TDRD9: variants seen among roughly 807,000 people sequenced by gnomAD.
TDRD9 encodes the protein ATP-dependent RNA helicase TDRD9.
A neutral mutation model predicts 172.6 loss-of-function variants in TDRD9; 124 were observed. That is an observed-to-expected ratio of 0.72 (90% CI 0.62 to 0.83). TDRD9 has a LOEUF of 0.83. Ranked by LOEUF, TDRD9 falls within the 40% of genes least tolerant of loss-of-function variation. The pLI is 0.00. For synonymous variants in TDRD9, 619 were observed against 617.1 expected, an observed-to-expected ratio of 1.00 and a Z score of -0.05; for missense variants, 1,479 against 1,714.1, an observed-to-expected ratio of 0.86 and a Z score of 2.42.
intron 25 of TDRD9, 68 bp downstream of exon 25, chr14:104,024,748 T>G: frequency 3.1e-6 from 2 of 642,712 alleles, no homozygotes; most frequent in East Asian, 2.9e-5. Context: ...TACAGGAAGT[T>G]TACACACACA....
chr14:103,996,480 TGATCTTTCAGATAG>T (rs2034064195), intron 12 of TDRD9, among the ~76,000 whole-genome samples: 1 of 152,080 alleles, frequency 6.6e-6, no homozygotes, highest in African/African-American at 2.4e-5. Flanking sequence ...TTGGGAAAAA[TGATCTTTCAGATAG>T]GATCTTTCAG....
At chr14:103,941,880 G>A (rs1191013073) in intron 1 of TDRD9, among the ~76,000 whole-genome samples, 28 of 152,096 alleles carry the variant, frequency 1.8e-4, no homozygotes, top group Admixed American at 1.8e-3. Flanking sequence ...TAGGTCAGTG[G>A]CAGAAACCAA....
intron 1 of TDRD9, among the ~76,000 whole-genome samples, chr14:103,929,999 C>G (rs2030266170): frequency 1.3e-5 from 2 of 152,144 alleles, no homozygotes; most frequent in African/African-American, 4.8e-5. Flanking sequence ...AAATAAAAAG[C>G]AAGAGTATAT....
intron 30 of TDRD9, among the ~76,000 whole-genome samples, chr14:104,032,381 A>G (rs2035311055): frequency 6.6e-6 from 1 of 151,910 alleles, no homozygotes; most frequent in South Asian, 2.1e-4. Flanking sequence ...TAATTTTTGT[A>G]TTTTTAGTAC....
chr14:103,929,671 CA>C (rs1247916437), intron 1 of TDRD9, among the ~76,000 whole-genome samples: 1 of 152,140 alleles, frequency 6.6e-6, no homozygotes, highest in African/African-American at 2.4e-5. Flanking sequence ...AGGCATATGC[CA>C]CCACGCCTGG....
At chr14:104,027,396 T>A (rs1596005233) in intron 28 of TDRD9, among the ~76,000 whole-genome samples, 1 of 152,220 alleles carries the variant, frequency 6.6e-6, no homozygotes, top group East Asian at 1.9e-4. Flanking sequence ...GTTCTATATA[T>A]GTGGGGAGTT....
chr14:103,938,402 GTGTGTGTGTGTGTATA>G (rs1330146237), intron 1 of TDRD9, among the ~76,000 whole-genome samples: 117 of 60,834 alleles, frequency 1.9e-3, no homozygotes, highest in South Asian at 5.9e-3. Context: ...GTGTGTGTGT[GTGTGTGTGTGTGTATA>G]TATATATATA....
At chr14:103,950,015 TGCC>T (rs2031780691) in intron 1 of TDRD9, among the ~76,000 whole-genome samples, 2 of 146,608 alleles carry the variant, frequency 1.4e-5, no homozygotes, top group Non-Finnish European at 3.0e-5. Flanking sequence ...TGCCCTGCCC[TGCC>T]CTGCCCTCTT....
intron 4 of TDRD9, among the ~76,000 whole-genome samples, chr14:103,966,398 GA>G (rs1006848379): frequency 6.6e-6 from 1 of 152,178 alleles, no homozygotes; most frequent in African/African-American, 2.4e-5. Flanking sequence ...AAAGCAGTAA[GA>G]ATTCTCATGC....
Position 103,976,503 on chromosome 14 carries a change from C to T in TDRD9, c.1011+950C>T, listed in dbSNP as rs545809058. On this transcript the variant is annotated intron_variant, in intron 7 of 35. Transcript: ENST00000409874. ...GTCTCAATCCCCTGACCTCATGATC[C>T]GCCCGCCTCAGCCTCCCAAAGTGCT... 4.1e-4 allele frequency among the ~76,000 whole-genome samples: 63 copies of T among 152,184 alleles called. 1 individual carries two copies. Among genetic ancestry groups the T allele is most frequent in the African/African-American group, 1.4e-3 (57 of 41,540 alleles).
intron 30 of TDRD9, 76 bp downstream of exon 30, chr14:104,032,163 AT>A: frequency 2.3e-6 from 2 of 859,004 alleles, no homozygotes; most frequent in Non-Finnish European, 3.6e-6. Context: ...AAAATAATGT[AT>A]CTTTATATCT....
intron 5 of TDRD9, 114 bp downstream of exon 5, chr14:103,966,945 CCTTTA>C: frequency 9.6e-7 from 1 of 1,036,734 alleles, no homozygotes; most frequent in Non-Finnish European, 1.3e-6. Context: ...TTTTCCTTCC[CCTTTA>C]CTTTCTGGAC....
intron 7 of TDRD9, among the ~76,000 whole-genome samples, chr14:103,981,021 A>G (rs1167183753): frequency 1.1e-4 from 16 of 152,222 alleles, no homozygotes; most frequent in Admixed American, 1.0e-3. Flanking sequence ...ACATAATCAT[A>G]TCTAAGATCT....
chr14:104,030,505 A>G (rs2035249988), intron 28 of TDRD9, among the ~76,000 whole-genome samples: 1 of 152,260 alleles, frequency 6.6e-6, no homozygotes, highest in African/African-American at 2.4e-5. Context: ...GCAAACGAAC[A>G]AACAAAAACC....
chr14:103,947,341 G>GT (rs971252731), intron 1 of TDRD9, among the ~76,000 whole-genome samples: 23 of 148,296 alleles, frequency 1.6e-4, no homozygotes, highest in Admixed American at 1.2e-3. Context: ...GTTTTTTTTT[G>GT]TTTTTTTAGA....
At position 103,963,101 on chromosome 14, in the gene TDRD9, A is replaced by G; in HGVS notation, c.345A>G (p.Lys115=). The change falls in exon 3 of 36, where the codon AAA becomes AAG. Residue 115 remains lysine, a synonymous_variant. Coordinates refer to ENST00000409874, the MANE Select transcript of TDRD9 (RefSeq NM_153046.3). The part of the protein sequence containing the change: ...SGPGPRPSLA[K]LSSVTCIPGT... ...CAGGTCCAAGGCCATCTTTGGCTAA[A>G]TTAAGCAGTGTGACATGCATCCCAG... The G allele has an allele frequency of 6.5e-7, 1 of 1,548,884 alleles. No individual in the cohort carries two copies. Among genetic ancestry groups the G allele is most frequent in the Non-Finnish European group, 8.7e-7 (1 of 1,145,906 alleles).
At chr14:103,979,626 C>T (rs1219653820) in intron 7 of TDRD9, among the ~76,000 whole-genome samples, 1 of 152,206 alleles carries the variant, frequency 6.6e-6, no homozygotes, top group African/African-American at 2.4e-5. Flanking sequence ...CACACACCTG[C>T]TATTAGGCCC....
chr14:104,004,261 GGGTACTGTTACCGGCT>G lies in TDRD9; in HGVS notation c.1513_1528del (p.Cys505ThrfsTer22). 3.1e-6 allele frequency: 5 copies of G among 1,601,564 alleles called. No homozygotes were observed. The highest frequency in any genetic ancestry group is 4.3e-6 in the Non-Finnish European group (5 of 1,171,100). The stretch of plus-strand genomic sequence containing the variant: ...AGGCCGTGCTGGACGAGTGTCTAGA[GGGTACTGTTACCGGCT>G]GGTACACAAGGATTTCTGGGACAAC... On this transcript the variant is annotated frameshift_variant, in exon 14 of 36. Transcript: ENST00000409874. LOFTEE classifies it high-confidence loss of function.
intron 34 of TDRD9, among the ~76,000 whole-genome samples, chr14:104,047,901 A>G (rs2035828168): frequency 6.6e-6 from 1 of 151,996 alleles, no homozygotes; most frequent in Non-Finnish European, 1.5e-5. Flanking sequence ...TCCCTGATTC[A>G]TTGTTATCCT....
Sources: gnomAD v4.1 joint callset for allele counts (sites outside exome capture counted in the v4.1 genomes callset) on GRCh38, gnomAD v4.1.1 for gene constraint, MANE v1.5 for transcripts, NCBI Gene and HGNC (gene_info 2026-07-23, HGNC 2026-07-21) for gene names.